The following TESK2 variants were observed in gnomAD, a reference collection of about 807,000 sequenced individuals.
The protein encoded by TESK2 is testis associated actin remodelling kinase 2, also known as dual specificity testis-specific protein kinase 2.
Under a neutral mutation model 57.1 loss-of-function variants are expected in TESK2, and 39 were observed. The observed-to-expected ratio is 0.68, with a 90% confidence interval of 0.53 to 0.89. The LOEUF (loss-of-function observed/expected upper bound fraction) is 0.89, where lower values mean the gene tolerates loss of function less well. Among genes scored for constraint, TESK2 ranks in the 40% least tolerant of loss-of-function variants. TESK2 has a pLI of 0.00. For synonymous variants in TESK2, 249 were observed against 267.9 expected (o/e 0.93, Z 0.69); for missense variants, 646 against 732.1 (o/e 0.88, Z 1.36).
intron 2 of TESK2, among the ~76,000 whole-genome samples, chr1:45,445,484 A>C (rs558802978): frequency 2.6e-5 from 4 of 152,132 alleles, no homozygotes; most frequent in African/African-American, 7.2e-5. Context: ...ATTAAAACTC[A>C]AAGTAGAAAC....
chr1:45,476,583 C>A (rs1652999268), intron 1 of TESK2, among the ~76,000 whole-genome samples: 1 of 152,130 alleles, frequency 6.6e-6, no homozygotes, highest in African/African-American at 2.4e-5. Context: ...CGCGGTGGCT[C>A]ACACCTGTAA....
chr1:45,349,915 G>A (rs778689222), intron 5 of TESK2, among the ~76,000 whole-genome samples: 1 of 152,196 alleles, frequency 6.6e-6, no homozygotes, highest in Non-Finnish European at 1.5e-5. Flanking sequence ...GCCAAGGCAC[G>A]TGGATCACCT....
chr1:45,377,099 A>G (rs1304849436), intron 4 of TESK2, among the ~76,000 whole-genome samples: 2 of 152,140 alleles, frequency 1.3e-5, no homozygotes, highest in Non-Finnish European at 2.9e-5. Context: ...ATGCACCTGT[A>G]GTTCCAGCTA....
chr1:45,355,547 A>G, intron 4 of TESK2, 98 bp from the exon 5 acceptor site: 1 of 1,296,512 alleles, frequency 7.7e-7, no homozygotes, highest in Non-Finnish European at 1.0e-6. Flanking sequence ...GAGAGACTGT[A>G]TTTTTTTTTT....
chr1:45,378,276 G>A (rs1344666686), intron 4 of TESK2, among the ~76,000 whole-genome samples: 1 of 152,206 alleles, frequency 6.6e-6, no homozygotes, highest in Non-Finnish European at 1.5e-5. Flanking sequence ...ATTAACCATT[G>A]AGTTCATGAA....
chr1:45,485,053 A>G (rs1196045583), intron 1 of TESK2, among the ~76,000 whole-genome samples: 6 of 152,080 alleles, frequency 3.9e-5, no homozygotes, highest in Non-Finnish European at 5.9e-5. Context: ...TTAATTAATT[A>G]AATCAAATTA....
chr1:45,483,370 C>T (rs547663827), intron 1 of TESK2, among the ~76,000 whole-genome samples: 1 of 151,652 alleles, frequency 6.6e-6, no homozygotes, highest in South Asian at 2.1e-4. Flanking sequence ...CCGAGGCAGG[C>T]GGATGGCCTG....
chr1:45,405,084 T>C (rs1171646574), intron 3 of TESK2, among the ~76,000 whole-genome samples: 2 of 152,134 alleles, frequency 1.3e-5, no homozygotes, highest in African/African-American at 4.8e-5. Flanking sequence ...TAATTTAATC[T>C]TCCCATCAAG....
intron 5 of TESK2, among the ~76,000 whole-genome samples, chr1:45,351,314 C>A (rs1370730049): frequency 6.6e-6 from 1 of 152,266 alleles, no homozygotes; most frequent in African/African-American, 2.4e-5. Flanking sequence ...CTCCCACTTC[C>A]TTCCAAGTAA....
intron 2 of TESK2, among the ~76,000 whole-genome samples, chr1:45,426,494 T>A (rs969656085): frequency 1.3e-5 from 2 of 152,114 alleles, no homozygotes; most frequent in Non-Finnish European, 2.9e-5. Flanking sequence ...CCTCAAACTA[T>A]GAAACTACTA....
chr1:45,445,193 C>T (rs1387859504), intron 2 of TESK2, among the ~76,000 whole-genome samples: 1 of 152,088 alleles, frequency 6.6e-6, no homozygotes, highest in Non-Finnish European at 1.5e-5. Context: ...TTTCAACCCA[C>T]TATGATCTCA....
intron 2 of TESK2, among the ~76,000 whole-genome samples, chr1:45,431,978 G>A (rs1650984893): frequency 6.6e-6 from 1 of 152,112 alleles, no homozygotes; most frequent in Admixed American, 6.6e-5. Flanking sequence ...AGGCACAGTA[G>A]CTCATGCCTG....
intron 4 of TESK2, among the ~76,000 whole-genome samples, chr1:45,385,710 G>GTGTGTATATATATATATATATATATA (rs947905047): frequency 1.5e-5 from 2 of 135,284 alleles, no homozygotes; most frequent in African/African-American, 5.9e-5. Flanking sequence ...GTGTGTGTGT[G>GTGTGTATATATATATATATATATATA]TATATATATA....
chr1:45,367,245 T>G (rs1295219956), intron 4 of TESK2, among the ~76,000 whole-genome samples: 1 of 152,152 alleles, frequency 6.6e-6, no homozygotes, highest in Non-Finnish European at 1.5e-5. Flanking sequence ...GAGGAGACCA[T>G]GTTGATTAGT....
At chr1:45,464,226 T>G (rs1652444566) in intron 1 of TESK2, among the ~76,000 whole-genome samples, 1 of 151,996 alleles carries the variant, frequency 6.6e-6, no homozygotes. Flanking sequence ...ATTTTATAGT[T>G]TATAGCCTGG....
intron 4 of TESK2, among the ~76,000 whole-genome samples, chr1:45,370,029 A>G (rs779282940): frequency 6.6e-6 from 1 of 152,136 alleles, no homozygotes; most frequent in Non-Finnish European, 1.5e-5. Flanking sequence ...TGATTTCTAT[A>G]GGACAGAGGG....
chr1:45,384,293 CATCT>C (rs960319427), intron 4 of TESK2, among the ~76,000 whole-genome samples: 9 of 152,110 alleles, frequency 5.9e-5, no homozygotes, highest in South Asian at 2.1e-4. Flanking sequence ...TTCATTCATT[CATCT>C]ATCTATCTAT....
In TESK2 at chr1:45,401,872, A is replaced by G. The variant is rs763730639; in HGVS notation, c.345-15912T>C. Reference sequence around the variant, plus strand: ...TGCTTTACAAGCTTTTCTGCTGCCAACGTTGAGCAGTAAGCAGCATACATA... The same window carrying G: ...TGCTTTACAAGCTTTTCTGCTGCCAGCGTTGAGCAGTAAGCAGCATACATA... On this transcript the variant is annotated intron_variant, in intron 3 of 10. Coordinates refer to ENST00000372086, the MANE Select transcript of TESK2 (RefSeq NM_007170.3). Among the ~76,000 whole-genome samples, 4 of 152,132 alleles carry G rather than the reference A, an allele frequency of 2.6e-5. No homozygotes were observed. The East Asian group carries it at 7.7e-4, about 29-fold the overall frequency.
intron 1 of TESK2, among the ~76,000 whole-genome samples, chr1:45,490,450 T>C (rs141900891): frequency 6.7e-6 from 1 of 150,194 alleles, no homozygotes; most frequent in Non-Finnish European, 1.5e-5. Context: ...GAGGGAAGAG[T>C]GTATCGGAGG....
Sources: allele counts gnomAD v4.1 joint callset (sites outside exome capture counted in the v4.1 genomes callset), GRCh38; gene constraint gnomAD v4.1.1; transcripts MANE v1.5; gene names NCBI Gene and HGNC (gene_info 2026-07-23, HGNC 2026-07-21).